Variants in PLCH1 observed in about 807,000 individuals in gnomAD.
PLCH1 encodes phospholipase C eta 1.
In PLCH1, 60 loss-of-function variants were observed where a neutral mutation model predicts 126.7. That is an observed-to-expected ratio of 0.47 (90% CI 0.38 to 0.59). The LOEUF (loss-of-function observed/expected upper bound fraction) is 0.59. PLCH1 is among the 20% of genes least tolerant of loss of function. PLCH1 has a pLI of 0.00. For missense variants in PLCH1, 1,723 were observed against 2,040.0 expected (o/e 0.84, Z 2.99); for synonymous variants, 719 against 734.9 (o/e 0.98, Z 0.35).
At chr3:155,531,002 AT>A (rs1722601461) in intron 10 of PLCH1, among the ~76,000 whole-genome samples, 1 of 152,226 alleles carries the variant, frequency 6.6e-6, no homozygotes, top group African/African-American at 2.4e-5. Flanking sequence ...GAGCAGTAAT[AT>A]TTTGAAAGGA....
At chr3:155,608,201 T>G (rs2108714204) in intron 2 of PLCH1, among the ~76,000 whole-genome samples, 1 of 152,206 alleles carries the variant, frequency 6.6e-6, no homozygotes. Flanking sequence ...ATTCTTGACT[T>G]TATCTAACAG....
At chr3:155,462,077 T>C (rs930269200) in intron 21 of PLCH1, among the ~76,000 whole-genome samples, 2 of 152,266 alleles carry the variant, frequency 1.3e-5, no homozygotes, top group Non-Finnish European at 2.9e-5. Context: ...AGAGGACACA[T>C]TGTGTTCCAC....
chr3:155,651,581 T>A (rs1015078277), intron 2 of PLCH1, among the ~76,000 whole-genome samples: 1 of 152,304 alleles, frequency 6.6e-6, no homozygotes, highest in East Asian at 1.9e-4. Context: ...TTACAATTTT[T>A]AAAAACTAGT....
At chr3:155,663,187 T>C (rs978387290) in intron 2 of PLCH1, among the ~76,000 whole-genome samples, 5 of 152,230 alleles carry the variant, frequency 3.3e-5, no homozygotes, top group Admixed American at 2.6e-4. Flanking sequence ...ATATTTTCAA[T>C]AGTTAAATTC....
intron 1 of PLCH1, among the ~76,000 whole-genome samples, chr3:155,718,125 A>G (rs1003886559): frequency 6.6e-6 from 1 of 152,210 alleles, no homozygotes; most frequent in Non-Finnish European, 1.5e-5. Context: ...CTAGGGCATG[A>G]ACAGAATGCA....
intron 2 of PLCH1, among the ~76,000 whole-genome samples, chr3:155,698,865 A>C (rs1360443878): frequency 1.3e-5 from 2 of 152,032 alleles, no homozygotes; most frequent in African/African-American, 4.8e-5. Flanking sequence ...GGAGGTAGAG[A>C]GCCTTTTGGG....
intron 10 of PLCH1, among the ~76,000 whole-genome samples, chr3:155,528,868 C>G (rs1722302066): frequency 6.6e-6 from 1 of 152,138 alleles, no homozygotes; most frequent in South Asian, 2.1e-4. Context: ...ATTCATAAGA[C>G]AGGTTAATTT....
Position 155,481,465 on chromosome 3 carries a change from C to T in PLCH1, c.4561G>A (p.Val1521Met), listed in dbSNP as rs752280073. The change falls in exon 23 of 23, where the codon GTG (valine) becomes ATG (methionine). Residue 1521 changes from valine to methionine, a missense_variant. Coordinates refer to ENST00000460012, the MANE Select transcript of PLCH1 (RefSeq NM_014996.4). This position sits in a 1 kb window ranked among gnomAD's most constrained non-coding sequence, Gnocchi z 4.2. The part of the protein sequence containing the change: ...VTTGIRDKKG[V>M]TVKTKSLEPI... Reference sequence around the variant, plus strand: ...TCTAACGACTTTGTCTTCACAGTCACGCCCTTCTTGTCTCTAATGCCAGTT... The same window carrying T: ...TCTAACGACTTTGTCTTCACAGTCATGCCCTTCTTGTCTCTAATGCCAGTT... The T allele has an allele frequency of 2.3e-5, 37 of 1,614,056 alleles. No homozygotes were observed. The highest frequency in any genetic ancestry group is 3.3e-4 in the Middle Eastern group (2 of 6,084).
chr3:155,599,653 A>C (rs1733466172), intron 2 of PLCH1, among the ~76,000 whole-genome samples: 1 of 152,218 alleles, frequency 6.6e-6, no homozygotes, highest in African/African-American at 2.4e-5. Flanking sequence ...CAGAGTGGAA[A>C]ACCGAGTTAA....
At chr3:155,688,978 T>C (rs1745168638) in intron 2 of PLCH1, among the ~76,000 whole-genome samples, 1 of 152,174 alleles carries the variant, frequency 6.6e-6, no homozygotes, top group Non-Finnish European at 1.5e-5. Flanking sequence ...GATCTTGCCA[T>C]CCTGAAGGGA....
chr3:155,678,097 G>C (rs1461089468), intron 2 of PLCH1, among the ~76,000 whole-genome samples: 2 of 152,166 alleles, frequency 1.3e-5, no homozygotes, highest in Non-Finnish European at 2.9e-5. Flanking sequence ...TCCTTCCAAA[G>C]ATCCCCCTCC....
At chr3:155,587,384 T>C (rs966900559) in intron 4 of PLCH1, among the ~76,000 whole-genome samples, 1 of 152,232 alleles carries the variant, frequency 6.6e-6, no homozygotes, top group African/African-American at 2.4e-5. Context: ...AATCTCATCA[T>C]TGTTCAGATA....
chr3:155,733,095 G>A lies in PLCH1; in HGVS notation c.-41+11745C>T, dbSNP rs192105334. On this transcript the variant is annotated intron_variant, in intron 1 of 22. Coordinates refer to ENST00000460012, the MANE Select transcript of PLCH1 (RefSeq NM_014996.4). ...ACGAACAAAGGGAAAGATATCCTGT[G>A]TTCATAAATTGGAAGAATTAATATT... is the stretch of plus-strand genomic sequence containing the variant. Among the ~76,000 whole-genome samples, 16 of 152,176 alleles carry A rather than the reference G, an allele frequency of 1.1e-4. No homozygotes were observed. In the East Asian group the frequency reaches 2.9e-3, roughly 28 times the overall value.
intron 11 of PLCH1, among the ~76,000 whole-genome samples, chr3:155,517,728 C>T (rs767425442): frequency 5.3e-5 from 8 of 152,180 alleles, no homozygotes; most frequent in Non-Finnish European, 8.8e-5. Context: ...AGCTCACATA[C>T]ATAAGTACCA....
chr3:155,469,099 C>G (rs1438340115), intron 21 of PLCH1, among the ~76,000 whole-genome samples: 1 of 152,154 alleles, frequency 6.6e-6, no homozygotes, highest in African/African-American at 2.4e-5. Flanking sequence ...GGAACAGCTC[C>G]GGTCTACAGC....
At chr3:155,737,966 G>C (rs1749320573) in intron 1 of PLCH1, among the ~76,000 whole-genome samples, 1 of 152,206 alleles carries the variant, frequency 6.6e-6, no homozygotes, top group Non-Finnish European at 1.5e-5. Context: ...GAAGACAGAT[G>C]AAAGAGAAAC....
rs1029889337 is a variant in PLCH1 at position 155,675,084 on chromosome 3, A to T, written c.79+29062T>A. Reference sequence around the variant, plus strand: ...CTCAGGTATACTCAAGAAAATCTCAACCATGGTACAATTTATGTTTTGAAT... The same window carrying T: ...CTCAGGTATACTCAAGAAAATCTCATCCATGGTACAATTTATGTTTTGAAT... On this transcript the variant is annotated intron_variant, in intron 2 of 22. Coordinates refer to ENST00000460012, the MANE Select transcript of PLCH1 (RefSeq NM_014996.4). 2.0e-4 allele frequency among the ~76,000 whole-genome samples: 30 copies of T among 152,182 alleles called. 1 individual carries two copies. Among genetic ancestry groups the T allele is most frequent in the Non-Finnish European group, 2.9e-5 (2 of 68,014 alleles).
intron 10 of PLCH1, among the ~76,000 whole-genome samples, chr3:155,535,413 C>T (rs1345749362): frequency 6.6e-6 from 1 of 152,196 alleles, no homozygotes; most frequent in Non-Finnish European, 1.5e-5. Context: ...CTCAGCCCTA[C>T]TCATGAGCTG....
intron 1 of PLCH1, among the ~76,000 whole-genome samples, chr3:155,708,064 G>C (rs1282887593): frequency 6.6e-6 from 1 of 152,126 alleles, no homozygotes; most frequent in Non-Finnish European, 1.5e-5. Flanking sequence ...TATGCATTAG[G>C]AACATTGATA....
Sources: allele counts gnomAD v4.1 joint callset (sites outside exome capture counted in the v4.1 genomes callset), GRCh38; gene constraint gnomAD v4.1.1; non-coding constraint Gnocchi (gnomAD v3.1); transcripts MANE v1.5; gene names NCBI Gene and HGNC (gene_info 2026-07-23, HGNC 2026-07-21).